Variants in CHL1 observed in about 807,000 individuals in gnomAD.
CHL1 encodes the protein cell adhesion molecule L1 like.
CHL1 carries 96 observed loss-of-function variants against 141.9 expected under a neutral mutation model. The observed-to-expected ratio is 0.68, with a 90% CI of 0.57 to 0.80. CHL1 has a LOEUF of 0.80. Among genes scored for constraint, CHL1 ranks in the 30% least tolerant of loss-of-function variants. CHL1 has a pLI of 0.00. For missense variants in CHL1, 1,820 were observed against 1,457.2 expected (o/e 1.25, Z -4.05); for synonymous variants, 613 against 502.2 (o/e 1.22, Z -2.95).
Position 398,302 on chromosome 3 carries a change from C to T in CHL1, c.3170C>T (p.Ala1057Val). The change falls in exon 25 of 28, where the codon GCT (alanine) becomes GTT (valine). Residue 1057 changes from alanine (A) to valine (V), a missense_variant. Ala to Val is a moderately conservative substitution (Grantham distance 64, BLOSUM62 0). Coordinates refer to ENST00000256509, the MANE Select transcript of CHL1 (RefSeq NM_006614.4). ...THPIEVFEPG[A>V]EHIVRLMTKN... ...CCAATAGAGGTATTTGAGCCGGGAGCTGAACATATAGTTCGCCTAATGACT... is the reference window on the plus strand; with the variant it reads ...CCAATAGAGGTATTTGAGCCGGGAGTTGAACATATAGTTCGCCTAATGACT... The T allele has an allele frequency of 1.2e-6, 2 of 1,607,452 alleles. No homozygotes were observed. The highest frequency in any genetic ancestry group is 1.3e-5 in the African/African-American group (1 of 74,880).
In CHL1 at chr3:406,144, T is replaced by C. The variant is rs934099053; in HGVS notation, c.*433T>C. 6.5e-6 allele frequency: 1 copy of C among 154,246 alleles called. No homozygotes were observed. Among genetic ancestry groups the C allele is most frequent in the African/African-American group, 2.4e-5 (1 of 41,460 alleles). The allele number at this position is 154,246 out of a possible 1,614,324, so 9.6% of individuals were successfully genotyped here. A position where few individuals can be genotyped will look rare whatever the true frequency, so the allele number is the denominator to read the frequency against. ...TGCTTCACTACAGGTTAAAAGACCA[T>C]AAGCAAACTGGTTATTTAAAATGTA... On this transcript the variant is annotated 3_prime_UTR_variant, in exon 28 of 28. Coordinates refer to ENST00000256509, the MANE Select transcript of CHL1 (RefSeq NM_006614.4).
At chr3:309,397 TCCTTC>T (rs1699553475) in intron 2 of CHL1, 1 of 151,558 alleles carries the variant, frequency 6.6e-6, no homozygotes, top group Non-Finnish European at 1.5e-5. Context: ...CCTTCCTCCT[TCCTTC>T]CTTGCTTTCT....
intron 2 of CHL1, among the ~76,000 whole-genome samples, chr3:274,633 T>C (rs1012083563): frequency 6.6e-6 from 1 of 152,236 alleles, no homozygotes; most frequent in African/African-American, 2.4e-5. Flanking sequence ...ACCAATAGCT[T>C]CTTTTCATTG....
At chr3:278,946 C>G (rs1361646933) in intron 2 of CHL1, among the ~76,000 whole-genome samples, 1 of 152,150 alleles carries the variant, frequency 6.6e-6, no homozygotes, top group African/African-American at 2.4e-5. Flanking sequence ...CCTTGCCTTT[C>G]GAATGGTTTC....
chr3:330,386 G>A (rs1701343465), intron 5 of CHL1, among the ~76,000 whole-genome samples: 1 of 151,890 alleles, frequency 6.6e-6, no homozygotes, highest in Admixed American at 6.6e-5. Flanking sequence ...AAAACATAAA[G>A]GATGAAAATT....
intron 5 of CHL1, among the ~76,000 whole-genome samples, chr3:335,405 G>A (rs752356216): frequency 7.2e-5 from 11 of 152,192 alleles, no homozygotes; most frequent in Admixed American, 3.9e-4. Flanking sequence ...TTATTTCTCT[G>A]TAGTCCTAAG....
chr3:239,685 G>T (rs930383798), intron 1 of CHL1, among the ~76,000 whole-genome samples: 2 of 151,746 alleles, frequency 1.3e-5, no homozygotes, highest in South Asian at 2.1e-4. Flanking sequence ...TGATTTGTGA[G>T]ATTTTGGTGC....
At chr3:272,884 GC>G (rs1301089166) in intron 2 of CHL1, among the ~76,000 whole-genome samples, 1 of 152,134 alleles carries the variant, frequency 6.6e-6, no homozygotes, top group Non-Finnish European at 1.5e-5. Context: ...ACCAAGTTTT[GC>G]CCTTATGAGA....
Position 409,100 on chromosome 3 carries a change from G to C in CHL1, c.*3389G>C, listed in dbSNP as rs1413021359. On this transcript the variant is annotated 3_prime_UTR_variant, in exon 28 of 28. Coordinates refer to ENST00000256509, the MANE Select transcript of CHL1 (RefSeq NM_006614.4). ...ATGTTAAATTAATTATAATGGGATT[G>C]GGTTTGTTATCTGTGGTAGTATATA... 6.6e-6 allele frequency: 1 copy of C among 152,012 alleles called. No individual in the cohort carries two copies. Among genetic ancestry groups the C allele is most frequent in the Non-Finnish European group, 1.5e-5 (1 of 67,960 alleles). The allele number at this position is 152,012 out of a possible 1,614,324, so 9.4% of individuals were successfully genotyped here.
intron 18 of CHL1, among the ~76,000 whole-genome samples, chr3:383,341 T>G (rs1327307687): frequency 6.6e-6 from 1 of 152,198 alleles, no homozygotes; most frequent in Non-Finnish European, 1.5e-5. Flanking sequence ...TCATGACTAC[T>G]GTACAGGTTT....
chr3:235,652 A>G (rs1307569224), intron 1 of CHL1, among the ~76,000 whole-genome samples: 1 of 152,242 alleles, frequency 6.6e-6, no homozygotes, highest in Non-Finnish European at 1.5e-5. Flanking sequence ...AATTACTACC[A>G]CAAATTTTAA....
At chr3:264,713 T>C (rs2125214491) in intron 2 of CHL1, among the ~76,000 whole-genome samples, 1 of 152,354 alleles carries the variant, frequency 6.6e-6, no homozygotes. Context: ...ACAAAGGACA[T>C]CTGACTAATA....
rs534054763 is a variant in CHL1, at chr3:369,644, A to C, written c.1751+3529A>C. ...AACTTCCAATACTATGTTGAATAGG[A>C]GTGGTGAGAGAGGGCATCCTTGTCT... On this transcript the variant is annotated intron_variant, in intron 15 of 27. Transcript: ENST00000256509. Among the ~76,000 whole-genome samples, 9 of 152,252 alleles carry C rather than the reference A, an allele frequency of 5.9e-5. No individual in the cohort carries two copies. The East Asian group carries it at 1.5e-3, about 26-fold the overall frequency.
chr3:303,761 G>A (rs1053838230), intron 2 of CHL1, among the ~76,000 whole-genome samples: 1 of 152,172 alleles, frequency 6.6e-6, no homozygotes. Context: ...CCAATACTAT[G>A]TTGAATAGGA....
Position 406,489 on chromosome 3 carries a change from T to C in CHL1, c.*778T>C, listed in dbSNP as rs1559370110. 6.6e-6 allele frequency: 1 copy of C among 152,014 alleles called. No homozygotes were observed. Among genetic ancestry groups the C allele is most frequent in the Non-Finnish European group, 1.5e-5 (1 of 67,996 alleles). 9.4% of individuals were successfully genotyped at this position (152,014 alleles called of 1,614,324 possible). ...TACGAGAACAGGCAGAAAGTGCCCATTGTTCAGGATTCTAATAGCTACATC... is the reference window on the plus strand; with the variant it reads ...TACGAGAACAGGCAGAAAGTGCCCACTGTTCAGGATTCTAATAGCTACATC... On this transcript the variant is annotated 3_prime_UTR_variant, in exon 28 of 28. Transcript: ENST00000256509.
chr3:296,244 C>T (rs1176423153), intron 2 of CHL1, among the ~76,000 whole-genome samples: 1 of 152,156 alleles, frequency 6.6e-6, no homozygotes, highest in Admixed American at 6.5e-5. Context: ...TAAGACCTAT[C>T]CTCCATATAC....
chr3:286,670 T>C (rs1038054676), intron 2 of CHL1, among the ~76,000 whole-genome samples: 7 of 151,426 alleles, frequency 4.6e-5, no homozygotes, highest in Non-Finnish European at 2.9e-5. Flanking sequence ...GGCTACTCTA[T>C]AGACAGAACA....
intron 1 of CHL1, among the ~76,000 whole-genome samples, chr3:227,256 TA>T (rs1701438721): frequency 6.6e-6 from 1 of 152,106 alleles, no homozygotes; most frequent in Non-Finnish European, 1.5e-5. Context: ...ACAAGCTATA[TA>T]AAAAAGAAAC....
intron 11 of CHL1, among the ~76,000 whole-genome samples, chr3:355,494 A>T (rs1022314757): frequency 2.0e-5 from 3 of 152,182 alleles, no homozygotes; most frequent in African/African-American, 7.2e-5. Context: ...TAGAGCTCAG[A>T]TTATTTTGGA....
Sources: allele counts gnomAD v4.1 joint callset (sites outside exome capture counted in the v4.1 genomes callset), GRCh38; gene constraint gnomAD v4.1.1; transcripts MANE v1.5; gene names NCBI Gene and HGNC (gene_info 2026-07-23, HGNC 2026-07-21).